FLG: variants seen among roughly 807,000 people sequenced by gnomAD.
FLG encodes the protein epidermal filaggrin.
FLG carries 6 observed loss-of-function variants against 3.8 expected under a neutral mutation model. The observed-to-expected ratio is 1.60, with a 90% CI of 0.87 to 3.15. The LOEUF (loss-of-function observed/expected upper bound fraction) is 3.15, where lower values mean the gene tolerates loss of function less well. Ranked by LOEUF, FLG falls within the 30% of genes most tolerant of loss-of-function variation. The probability of loss-of-function intolerance (pLI) is 0.00; values close to 1 mark genes in which losing one functional copy is unlikely to be tolerated. For synonymous variants in FLG, 2,551 were observed against 1,931.6 expected (o/e 1.32, Z -8.41); for missense variants, 7,595 against 5,050.9 (o/e 1.50, Z -15.27).
In FLG at chr1:152,308,086, T is replaced by C. The variant is rs1274818992; in HGVS notation, c.6800A>G (p.His2267Arg). 1.2e-6 allele frequency: 2 copies of C among 1,613,930 alleles called. No individual in the cohort carries two copies. The highest frequency in any genetic ancestry group is 2.2e-5 in the South Asian group (2 of 91,076). Reference sequence around the variant, plus strand: ...TGACTGCTCCTGAGCAGATCCATGATGGTTTCTGGACGCAGACCCAGACCG... The same window carrying C: ...TGACTGCTCCTGAGCAGATCCATGACGGTTTCTGGACGCAGACCCAGACCG... ...ERRSGSASRN[H>R]HGSAQEQSRD... The change falls in exon 3 of 3, where the codon CAT (histidine) becomes CGT (arginine). Residue 2267 changes from histidine to arginine, a missense_variant. Transcript: ENST00000368799.
At chr1:152,315,072 C>T (rs919008230) in intron 2 of FLG, 1 of 400,126 alleles carries the variant, frequency 2.5e-6, no homozygotes, top group Non-Finnish European at 4.4e-6. Flanking sequence ...ATTATAAATA[C>T]CAAAATACTA....
At position 152,312,894 on chromosome 1, in the gene FLG, G is replaced by A. The variant is rs113652604; in HGVS notation, c.1992C>T (p.His664=). Residue 664 remains histidine (H), a synonymous_variant, in exon 3 of 3, where the codon CAC becomes CAT. Transcript: ENST00000368799. ...RDGSRHPRSH[H]EDRAGHGHSA... ...AGTGCCCATGACCAGCTCTGTCTTC[G>A]TGATGGGACCTGGGGTGTCTGGAGC... 7.9e-5 allele frequency: 128 copies of A among 1,613,938 alleles called. No individual in the cohort carries two copies. Among genetic ancestry groups the A allele is most frequent in the South Asian group, 5.3e-4 (48 of 91,072 alleles).
rs375801669 is a variant in FLG at position 152,307,813 on chromosome 1, C to T, written c.7073G>A (p.Ser2358Asn). ...HGQASSAVRD[S>N]GHRGSSGSQA... Reference sequence around the variant, plus strand: ...ACTACCACTGGACCCTCGGTGTCCACTGTCTCTGACTGCAGATGAAGCTTG... The same window carrying T: ...ACTACCACTGGACCCTCGGTGTCCATTGTCTCTGACTGCAGATGAAGCTTG... The change falls in exon 3 of 3, where the codon AGT becomes AAT. Residue 2358 changes from serine to asparagine, a missense_variant. Ser to Asn is a conservative substitution (Grantham distance 46). Transcript: ENST00000368799. The T allele has an allele frequency of 1.1e-5, 18 of 1,613,490 alleles. No homozygotes were observed. The East Asian group carries it at 1.3e-4, about 12-fold the overall frequency.
Position 152,303,091 on chromosome 1 carries a change from C to G in FLG, c.11795G>C (p.Ser3932Thr). The stretch of plus-strand genomic sequence containing the variant: ...ATACGCAGAATCTTGTGAAAGACTA[C>G]TAAAGTGACCATGTTCCTTAGCGGT... ...SSTAKEHGHF[S>T]SLSQDSAYHS... Residue 3932 changes from serine to threonine, a missense_variant, in exon 3 of 3, where the codon AGT becomes ACT. Physicochemically the swap from Ser to Thr is moderately conservative, Grantham distance 58. Coordinates refer to ENST00000368799, the MANE Select transcript of FLG (RefSeq NM_002016.2). 1 of 1,614,192 alleles carries G rather than the reference C, an allele frequency of 6.2e-7. No homozygotes were observed. Among genetic ancestry groups the G allele is most frequent in the South Asian group, 1.1e-5 (1 of 91,082 alleles).
In FLG at chr1:152,312,445, G is replaced by C. The variant is rs761774827; in HGVS notation, c.2441C>G (p.Thr814Ser). 1.2e-6 allele frequency: 2 copies of C among 1,613,622 alleles called. No individual in the cohort carries two copies. Among genetic ancestry groups the C allele is most frequent in the Non-Finnish European group, 1.7e-6 (2 of 1,179,874 alleles). ...ESSHGWTGPSTGVRQGSHHEQ... is the reference protein window; with the variant it reads ...ESSHGWTGPSSGVRQGSHHEQ... ...ATGGTGGGATCCTTGTCTTACTCCA[G>C]TGCTGGGCCCTGTCCATCCATGGGA... Residue 814 changes from threonine (T) to serine (S), a missense_variant, in exon 3 of 3, where the codon ACT becomes AGT. By Grantham distance (58) the Thr-to-Ser change is moderately conservative. Coordinates refer to ENST00000368799, the MANE Select transcript of FLG (RefSeq NM_002016.2).
chr1:152,311,650 T>A lies in FLG; in HGVS notation c.3236A>T (p.Glu1079Val). ...SQASDSEGHS[E>V]ESDTQSVSGH... The stretch of plus-strand genomic sequence containing the variant: ...TGACACTGACTGTGTGTCTGACTCC[T>A]CTGAATGTCCCTCACTATCACTGGC... The change falls in exon 3 of 3, where the codon GAG becomes GTG. Residue 1079 changes from glutamate (E) to valine (V), a missense_variant. Physicochemically the swap from Glu to Val is moderately radical, Grantham distance 121. Transcript: ENST00000368799. 4 of 1,614,148 alleles carry A rather than the reference T, an allele frequency of 2.5e-6. No homozygotes were observed. The highest frequency in any genetic ancestry group is 3.4e-6 in the Non-Finnish European group (4 of 1,180,016).
chr1:152,324,105 AAC>A (rs1653067803), intron 1 of FLG, among the ~76,000 whole-genome samples: 3 of 151,752 alleles, frequency 2.0e-5, no homozygotes, highest in African/African-American at 7.3e-5. Flanking sequence ...GGTATGAGCA[AAC>A]AGTTATTTCT....
rs182400558 is a variant in FLG at position 152,314,426 on chromosome 1, A to G, written c.460T>C (p.Ser154Pro). ...TTTCTTTCTTTTTTTTCAGAACTAG[A>G]TTCATGCCTTTTCCCCCCTGTTTCT... ...PRETGGKRHE[S>P]SSEKKERKGY... is the part of the protein sequence containing the mutation. Residue 154 changes from serine (S) to proline (P), a missense_variant, in exon 3 of 3, where the codon TCT (serine) becomes CCT (proline). Transcript: ENST00000368799. 15 of 1,612,866 alleles carry G rather than the reference A, an allele frequency of 9.3e-6. No individual in the cohort carries two copies. Among genetic ancestry groups the G allele is most frequent in the Non-Finnish European group, 1.0e-5 (12 of 1,179,750 alleles).
rs140368354 is a variant in FLG at position 152,304,640 on chromosome 1, C to T, written c.10246G>A (p.Glu3416Lys). 3.0e-5 allele frequency: 48 copies of T among 1,612,520 alleles called. No homozygotes were observed. The highest frequency in any genetic ancestry group is 2.0e-4 in the Admixed American group (12 of 59,818). ...TGCCTGGAGCTGTCTCGTGCCTGCT[C>T]GTGGTGGGATCCTTGTCTTCGTCCA... ...STGRRQGSHHEQARDSSRHSA... is the reference protein window; with the variant it reads ...STGRRQGSHHKQARDSSRHSA... Residue 3416 changes from glutamate to lysine, a missense_variant, in exon 3 of 3, where the codon GAG becomes AAG. Physicochemically the swap from Glu to Lys is moderately conservative, Grantham distance 56 (BLOSUM62 1). Transcript: ENST00000368799.
In FLG at chr1:152,313,068, T is replaced by C. The variant is rs755935011; in HGVS notation, c.1818A>G (p.Gly606=). ...TACTTGTCCTGGGCCCCGATGATTG[T>C]CCCTGGCCCACCTGTGAGTGTCTAG... ...DSSRHSQVGQ[G]QSSGPRTSRN... Residue 606 remains glycine, a synonymous_variant, in exon 3 of 3, where the codon GGA becomes GGG. Coordinates refer to ENST00000368799, the MANE Select transcript of FLG (RefSeq NM_002016.2). 1 of 1,613,840 alleles carries C rather than the reference T, an allele frequency of 6.2e-7. No individual in the cohort carries two copies. Among genetic ancestry groups the C allele is most frequent in the East Asian group, 2.2e-5 (1 of 44,856 alleles).
Position 152,304,889 on chromosome 1 carries a change from A to C in FLG, c.9997T>G (p.Trp3333Gly), listed in dbSNP as rs766141730. 3 of 1,613,504 alleles carry C rather than the reference A, an allele frequency of 1.9e-6. No individual in the cohort carries two copies. The highest frequency in any genetic ancestry group is 2.2e-5 in the East Asian group (1 of 44,776). ...CTGGCCTGACTACCACTGGACCCCC[A>C]GTGTCTACTGTCTCTGACTGCAGAT... ...ASSAVRDSRH[W>G]GSSGSQASDS... Residue 3333 changes from tryptophan to glycine, a missense_variant, in exon 3 of 3, where the codon TGG becomes GGG. By Grantham distance (184) the Trp-to-Gly change is radical. Transcript: ENST00000368799.
Position 152,309,061 on chromosome 1 carries a change from T to C in FLG, c.5825A>G (p.His1942Arg), listed in dbSNP as rs1220930907. The change falls in exon 3 of 3, where the codon CAT (histidine) becomes CGT (arginine). Residue 1942 changes from histidine (H) to arginine (R), a missense_variant. Coordinates refer to ENST00000368799, the MANE Select transcript of FLG (RefSeq NM_002016.2). ...TGACTGCTCCCAAGCAGATCCAAGA[T>C]GGTTTCTGGAAGCAGACCCAGACCA... ...ERWSGSASRN[H>R]LGSAWEQSRD... 8 of 1,614,020 alleles carry C rather than the reference T, an allele frequency of 5.0e-6. No individual in the cohort carries two copies. The South Asian group carries it at 6.6e-5, about 13-fold the overall frequency.
chr1:152,309,442 C>T lies in FLG; in HGVS notation c.5444G>A (p.Gly1815Glu). The change falls in exon 3 of 3, where the codon GGA becomes GAA. Residue 1815 changes from glycine (G) to glutamate (E), a missense_variant. Transcript: ENST00000368799. The stretch of plus-strand genomic sequence containing the variant: ...TCCTCCTCTGCTTGACCCTGGGTGT[C>T]CACGAATGGTGTCCTGACCCTCTTG... The part of the protein sequence containing the change: ...ASQEGQDTIR[G>E]HPGSSRGGRQ... 6.2e-7 allele frequency: 1 copy of T among 1,613,040 alleles called. No homozygotes were observed. The highest frequency in any genetic ancestry group is 8.5e-7 in the Non-Finnish European group (1 of 1,179,876).
chr1:152,314,817 G>A, intron 2 of FLG, 70 bp from the exon 3 acceptor site: 1 of 1,587,554 alleles, frequency 6.3e-7, no homozygotes, highest in African/African-American at 1.3e-5. Context: ...TTAATTCAAA[G>A]TTAATTTAAG....
intron 1 of FLG, among the ~76,000 whole-genome samples, chr1:152,318,650 T>C (rs1179701758): frequency 1.3e-5 from 2 of 151,886 alleles, no homozygotes; most frequent in Admixed American, 6.6e-5. Context: ...GACTTCAAAA[T>C]TGATACCTCT....
In FLG at chr1:152,302,949, A is replaced by G. The variant is rs1651697520; in HGVS notation, c.11937T>C (p.Tyr3979=). Reference sequence around the variant, plus strand: ...CACCATAATCATAATCTGCACTACCATAGCTGCCATGTCTCCAAACTAAAC... The same window carrying G: ...CACCATAATCATAATCTGCACTACCGTAGCTGCCATGTCTCCAAACTAAAC... ...QSGLVWRHGS[Y]GSADYDYGES... The change falls in exon 3 of 3, where the codon TAT becomes TAC. Residue 3979 remains tyrosine, a synonymous_variant. Coordinates refer to ENST00000368799, the MANE Select transcript of FLG (RefSeq NM_002016.2). 5 of 1,614,176 alleles carry G rather than the reference A, an allele frequency of 3.1e-6. No individual in the cohort carries two copies. The highest frequency in any genetic ancestry group is 3.4e-6 in the Non-Finnish European group (4 of 1,180,016).
At position 152,312,446 on chromosome 1, in the gene FLG, T is replaced by A. The variant is rs527537468; in HGVS notation, c.2440A>T (p.Thr814Ser). The A allele has an allele frequency of 1.2e-6, 2 of 1,613,626 alleles. No individual in the cohort carries two copies. Among genetic ancestry groups the A allele is most frequent in the South Asian group, 2.2e-5 (2 of 91,046 alleles). ...ESSHGWTGPS[T>S]GVRQGSHHEQ... ...TGGTGGGATCCTTGTCTTACTCCAG[T>A]GCTGGGCCCTGTCCATCCATGGGAG... Residue 814 changes from threonine to serine, a missense_variant, in exon 3 of 3, where the codon ACT becomes TCT. Transcript: ENST00000368799.
Position 152,310,474 on chromosome 1 carries a change from T to G in FLG, c.4412A>C (p.Glu1471Ala), listed in dbSNP as rs1557877765. ...GTGCCTAGAGCTGTTTCGTGCCTGC[T>G]CATGGCGGGATCCTTGTCTTCCTCC... ...STGGRQGSRH[E>A]QARNSSRHSA... The change falls in exon 3 of 3, where the codon GAG becomes GCG. Residue 1471 changes from glutamate to alanine, a missense_variant. Glu to Ala is a moderately radical substitution (Grantham distance 107). Coordinates refer to ENST00000368799, the MANE Select transcript of FLG (RefSeq NM_002016.2). 1 of 1,613,738 alleles carries G rather than the reference T, an allele frequency of 6.2e-7. No individual in the cohort carries two copies. Among genetic ancestry groups the G allele is most frequent in the Non-Finnish European group, 8.5e-7 (1 of 1,179,830 alleles).
chr1:152,314,185 G>A lies in FLG; in HGVS notation c.701C>T (p.Ala234Val). ...TTCATCCTGGATTGTGTAATATGTG[G>A]CAATATGGCCTGATTGTATCCATTT... ...TQKWIQSGHI[A>V]TYYTIQDEAY... The change falls in exon 3 of 3, where the codon GCC (alanine) becomes GTC (valine). Residue 234 changes from alanine (A) to valine (V), a missense_variant. Transcript: ENST00000368799. The A allele has an allele frequency of 1.2e-6, 2 of 1,613,990 alleles. No individual in the cohort carries two copies. The highest frequency in any genetic ancestry group is 1.1e-5 in the South Asian group (1 of 91,074).
Sources: gnomAD v4.1 joint callset for allele counts (sites outside exome capture counted in the v4.1 genomes callset) on GRCh38, gnomAD v4.1.1 for gene constraint, MANE v1.5 for transcripts, NCBI Gene and HGNC (gene_info 2026-07-23, HGNC 2026-07-21) for gene names.